The following PKP4 variants were observed in gnomAD, a reference collection of about 807,000 sequenced individuals.
The protein encoded by PKP4 is plakophilin-4.
A neutral mutation model predicts 145.1 loss-of-function variants in PKP4; 90 were observed. That is an observed-to-expected ratio of 0.62 (90% CI 0.52 to 0.74). The LOEUF (loss-of-function observed/expected upper bound fraction) is 0.74, where lower values mean the gene tolerates loss of function less well. PKP4 is among the 30% of genes least tolerant of loss of function. The pLI is 0.00. For missense variants in PKP4, 1,340 were observed against 1,482.7 expected (o/e 0.90, Z 1.58); for synonymous variants, 563 against 577.2 (o/e 0.98, Z 0.35).
chr2:158,487,460 T>C (rs1429755537), intron 1 of PKP4, among the ~76,000 whole-genome samples: 5 of 152,184 alleles, frequency 3.3e-5, no homozygotes, highest in Non-Finnish European at 7.3e-5. Context: ...GAATCCAAAC[T>C]TTAATTTTCT....
At chr2:158,576,485 A>G (rs1298916224) in intron 2 of PKP4, among the ~76,000 whole-genome samples, 1 of 152,178 alleles carries the variant, frequency 6.6e-6, no homozygotes, top group Non-Finnish European at 1.5e-5. Context: ...TTATAACATG[A>G]CATGTTTTCT....
At chr2:158,579,918 T>G (rs541463828) in intron 3 of PKP4, among the ~76,000 whole-genome samples, 14 of 152,162 alleles carry the variant, frequency 9.2e-5, no homozygotes, top group African/African-American at 2.9e-4. Flanking sequence ...GTACTTGGTA[T>G]TGTTTGTCAG....
chr2:158,513,662 G>A (rs772060546), intron 1 of PKP4, among the ~76,000 whole-genome samples: 11 of 152,080 alleles, frequency 7.2e-5, no homozygotes, highest in Non-Finnish European at 1.6e-4. Flanking sequence ...CTGACTCCAG[G>A]TCACATTACC....
intron 4 of PKP4, among the ~76,000 whole-genome samples, chr2:158,617,098 C>G (rs2051704184): frequency 6.6e-6 from 1 of 152,110 alleles, no homozygotes; most frequent in Non-Finnish European, 1.5e-5. Context: ...AACACTTTTT[C>G]TAATTACATA....
chr2:158,540,470 A>G (rs143923009), intron 2 of PKP4, among the ~76,000 whole-genome samples: 43 of 152,350 alleles, frequency 2.8e-4, no homozygotes, highest in South Asian at 2.3e-3. Flanking sequence ...TGAGCAAAGC[A>G]CTTTGTCAAG....
In PKP4 at chr2:158,661,783, A is replaced by G. The variant is rs368491631; in HGVS notation, c.2211+333A>G. 2.0e-4 allele frequency: 41 copies of G among 206,688 alleles called. 2 individuals are homozygous for G. In the South Asian group the frequency reaches 2.1e-3, roughly 11 times the overall value. 12.8% of individuals were successfully genotyped at this position (206,688 alleles called of 1,614,324 possible). ...CAGAGCCATCAGTATTTGAGTATCT[A>G]CTGACTAAAAGTTCCTGGTTGAGGC... On this transcript the variant is annotated intron_variant, in intron 13 of 21. Coordinates refer to ENST00000389759, the MANE Select transcript of PKP4 (RefSeq NM_003628.6).
At chr2:158,492,570 C>T (rs911354270) in intron 1 of PKP4, among the ~76,000 whole-genome samples, 3 of 152,088 alleles carry the variant, frequency 2.0e-5, no homozygotes, top group African/African-American at 7.2e-5. Context: ...CCACCCTGCC[C>T]GGGCTTTGCT....
intron 19 of PKP4, among the ~76,000 whole-genome samples, chr2:158,676,394 C>T (rs534695091): frequency 9.3e-4 from 142 of 152,318 alleles, no homozygotes; most frequent in Non-Finnish European, 1.6e-3. Flanking sequence ...GTTATTATCA[C>T]TCAGTTTCAA....
intron 1 of PKP4, among the ~76,000 whole-genome samples, chr2:158,504,319 T>C (rs2105505607): frequency 6.6e-6 from 1 of 152,344 alleles, no homozygotes. Flanking sequence ...TAGTGGACAC[T>C]GAGTAAATGC....
intron 2 of PKP4, among the ~76,000 whole-genome samples, chr2:158,539,776 G>T (rs1035834170): frequency 3.3e-5 from 5 of 152,186 alleles, no homozygotes; most frequent in Non-Finnish European, 7.4e-5. Context: ...GGTTCAAAAT[G>T]AGGACAAATG....
chr2:158,624,523 C>G (rs1442960346), intron 6 of PKP4, among the ~76,000 whole-genome samples: 1 of 152,152 alleles, frequency 6.6e-6, no homozygotes, highest in Non-Finnish European at 1.5e-5. Context: ...CCCCTTCACG[C>G]TCATGAATTA....
chr2:158,484,535 C>G (rs1693885877), intron 1 of PKP4, among the ~76,000 whole-genome samples: 2 of 152,142 alleles, frequency 1.3e-5, no homozygotes. Context: ...AAGTATTTCT[C>G]CTTTGTTTGC....
chr2:158,651,969 C>T (rs2055408197), intron 11 of PKP4, among the ~76,000 whole-genome samples: 1 of 152,150 alleles, frequency 6.6e-6, no homozygotes, highest in African/African-American at 2.4e-5. Context: ...CCCCTGAGAA[C>T]AGATGGCTCC....
chr2:158,645,669 G>T (rs917011859), intron 11 of PKP4, among the ~76,000 whole-genome samples: 8 of 152,188 alleles, frequency 5.3e-5, no homozygotes, highest in Admixed American at 4.6e-4. Context: ...ATCATGACTC[G>T]ATCCTTACAT....
At chr2:158,585,568 A>G (rs1041611871) in intron 3 of PKP4, among the ~76,000 whole-genome samples, 3 of 152,208 alleles carry the variant, frequency 2.0e-5, no homozygotes, top group African/African-American at 7.2e-5. Context: ...TTTTAAGTCA[A>G]TGAGAAATCA....
At chr2:158,633,218 G>C (rs1386835034) in intron 8 of PKP4, among the ~76,000 whole-genome samples, 4 of 152,196 alleles carry the variant, frequency 2.6e-5, no homozygotes, top group African/African-American at 9.7e-5. Context: ...ACTGAACCCT[G>C]TATATACTAT....
intron 3 of PKP4, among the ~76,000 whole-genome samples, chr2:158,580,692 G>C (rs2105791346): frequency 6.6e-6 from 1 of 152,262 alleles, no homozygotes; most frequent in East Asian, 1.9e-4. Flanking sequence ...AAATTTTAAG[G>C]GTTATGAGTA....
At chr2:158,602,931 A>C in intron 3 of PKP4, 139 bp from the exon 4 acceptor site, 2 of 483,112 alleles carry the variant, frequency 4.1e-6, no homozygotes, top group South Asian at 6.3e-5. Context: ...AACTTAGATA[A>C]GTTTAAATTT....
At chr2:158,512,144 A>G (rs976291586) in intron 1 of PKP4, among the ~76,000 whole-genome samples, 1 of 152,218 alleles carries the variant, frequency 6.6e-6, no homozygotes, top group African/African-American at 2.4e-5. Flanking sequence ...GCTTTATTTT[A>G]AAATATACAA....
Sources: allele counts gnomAD v4.1 joint callset (sites outside exome capture counted in the v4.1 genomes callset), GRCh38; gene constraint gnomAD v4.1.1; transcripts MANE v1.5; gene names NCBI Gene and HGNC (gene_info 2026-07-23, HGNC 2026-07-21).